HDLBP: variants seen among roughly 807,000 people sequenced by gnomAD.
HDLBP encodes the protein high density lipoprotein binding protein.
In HDLBP, 30 loss-of-function variants were observed where a neutral mutation model predicts 137.3. The ratio of observed to expected loss-of-function variants is 0.22; its 90% CI spans 0.16 to 0.30. The LOEUF is 0.30. Among genes scored for constraint, HDLBP ranks in the 10% least tolerant of loss-of-function variants. The pLI, the probability that HDLBP is intolerant of heterozygous loss-of-function variation, is 1.00. For synonymous variants in HDLBP, 606 were observed against 596.0 expected (o/e 1.02, Z -0.24); for missense variants, 1,119 against 1,667.3 (o/e 0.67, Z 5.73).
At chr2:241,250,722 A>G (rs2072069418) in intron 11 of HDLBP, 2 of 151,100 alleles carry the variant, frequency 1.3e-5, no homozygotes, top group South Asian at 4.3e-4. Context: ...GCACACGCAG[A>G]GGCAGCAACG....
At chr2:241,245,568 A>G (rs935194118) in intron 16 of HDLBP, among the ~76,000 whole-genome samples, 11 of 152,208 alleles carry the variant, frequency 7.2e-5, no homozygotes, top group African/African-American at 2.7e-4. Flanking sequence ...TGGAAGGCCA[A>G]GGCGAGAGGA....
intron 1 of HDLBP, among the ~76,000 whole-genome samples, chr2:241,274,798 A>G (rs2074330708): frequency 6.6e-6 from 1 of 152,238 alleles, no homozygotes. Context: ...AGCAAATTTT[A>G]GAAATTCCAT....
chr2:241,274,270 C>A (rs998502098), intron 1 of HDLBP, among the ~76,000 whole-genome samples: 1 of 152,050 alleles, frequency 6.6e-6, no homozygotes, highest in Admixed American at 6.6e-5. Flanking sequence ...GGGAGGGGAG[C>A]AGAATCACAG....
chr2:241,313,252 C>T (rs2075805789), intron 1 of HDLBP, among the ~76,000 whole-genome samples: 1 of 152,142 alleles, frequency 6.6e-6, no homozygotes, highest in Admixed American at 6.5e-5. Flanking sequence ...CCACAAGCTG[C>T]CTGAGGAAAA....
At chr2:241,312,278 G>C (rs2075777370) in intron 1 of HDLBP, among the ~76,000 whole-genome samples, 1 of 152,208 alleles carries the variant, frequency 6.6e-6, no homozygotes, top group Non-Finnish European at 1.5e-5. Context: ...ACACGTCTCA[G>C]AACAAATGTC....
Position 241,272,716 on chromosome 2 carries a change from TCCGC to T in HDLBP, c.-102-4179_-102-4176del, listed in dbSNP as rs1319983474. 16 of 438,452 alleles carry T rather than the reference TCCGC, an allele frequency of 3.6e-5. No individual in the cohort carries two copies. The South Asian group carries it at 1.2e-3, about 33-fold the overall frequency. 27.2% of individuals were successfully genotyped at this position (438,452 alleles called of 1,614,324 possible). A position where few individuals can be genotyped will look rare whatever the true frequency, so the allele number is the denominator to read the frequency against. The stretch of plus-strand genomic sequence containing the variant: ...CCCGCCCGGCAGCCCGCCCGCCCCG[TCCGC>T]CCGCCCGCCCAGGCCTCCCAGCCCC... On this transcript the variant is annotated intron_variant, in intron 1 of 27. Transcript: ENST00000310931. The surrounding 1 kb of genome is among the most constrained non-coding windows in gnomAD (Gnocchi z 5.6).
rs1159945052 is a variant in HDLBP, at chr2:241,272,205, CG to C, written c.-102-3665del. The C allele has an allele frequency of 1.0e-6, 1 of 983,926 alleles. No individual in the cohort carries two copies. Among genetic ancestry groups the C allele is most frequent in the East Asian group, 1.1e-4 (1 of 8,800 alleles). 60.9% of individuals were successfully genotyped at this position (983,926 alleles called of 1,614,324 possible). On this transcript the variant is annotated intron_variant, in intron 1 of 27. Transcript: ENST00000310931. The surrounding 1 kb of genome is among the most constrained non-coding windows in gnomAD (Gnocchi z 5.6). Reference sequence around the variant, plus strand: ...CCCCGCGCGGCAGGTGGAGGTGCTGCGGGGGCCCCGCCGCCCGGTCTGCGCC... The same window carrying C: ...CCCCGCGCGGCAGGTGGAGGTGCTGCGGGGCCCCGCCGCCCGGTCTGCGCC...
At chr2:241,251,515 G>A (rs1241351381) in intron 11 of HDLBP, among the ~76,000 whole-genome samples, 1 of 152,218 alleles carries the variant, frequency 6.6e-6, no homozygotes, top group Non-Finnish European at 1.5e-5. Flanking sequence ...GCAGGTCGGT[G>A]TCCCACTACC....
At chr2:241,293,027 A>T (rs2075057883) in intron 1 of HDLBP, among the ~76,000 whole-genome samples, 1 of 146,724 alleles carries the variant, frequency 6.8e-6, no homozygotes, top group Admixed American at 6.8e-5. Context: ...ACCCCGTCTC[A>T]GAAAAGAAGA....
At chr2:241,259,542 G>T (rs2072994249) in intron 5 of HDLBP, among the ~76,000 whole-genome samples, 1 of 151,578 alleles carries the variant, frequency 6.6e-6, no homozygotes, top group Admixed American at 6.6e-5. Context: ...AGGCTGGGCT[G>T]TGGTGGTGCA....
intron 21 of HDLBP, chr2:241,236,279 G>C: frequency 3.0e-6 from 1 of 329,280 alleles, no homozygotes; most frequent in Non-Finnish European, 5.7e-6. Context: ...CCACTCACGC[G>C]GGGGGAGACG....
chr2:241,272,892 C>A lies in HDLBP; in HGVS notation c.-102-4351G>T. 2.1e-6 allele frequency: 1 copy of A among 486,962 alleles called. No individual in the cohort carries two copies. The highest frequency in any genetic ancestry group is 2.7e-6 in the Non-Finnish European group (1 of 374,668). 30.2% of individuals were successfully genotyped at this position (486,962 alleles called of 1,614,324 possible). On this transcript the variant is annotated intron_variant, in intron 1 of 27. Transcript: ENST00000310931. The surrounding 1 kb of genome is among the most constrained non-coding windows in gnomAD (Gnocchi z 5.6). Reference sequence around the variant, plus strand: ...GCGGCGGCCCAATCCCGCCTGGACACGTCAGCGCCCGCCCGCCCCGCCGCT... The same window carrying A: ...GCGGCGGCCCAATCCCGCCTGGACAAGTCAGCGCCCGCCCGCCCCGCCGCT...
intron 1 of HDLBP, among the ~76,000 whole-genome samples, chr2:241,285,603 C>T (rs1347304079): frequency 6.6e-6 from 1 of 152,162 alleles, no homozygotes; most frequent in African/African-American, 2.4e-5. Flanking sequence ...TGCTCTCAAA[C>T]CTGTTTATGC....
At position 241,256,261 on chromosome 2, in the gene HDLBP, T is replaced by C. The variant is rs1264595005; in HGVS notation, c.796A>G (p.Thr266Ala). 3 of 1,614,150 alleles carry C rather than the reference T, an allele frequency of 1.9e-6. No individual in the cohort carries two copies. The highest frequency in any genetic ancestry group is 3.3e-5 in the Admixed American group (2 of 60,022). Residue 266 changes from threonine to alanine, a missense_variant, in exon 7 of 28, where the codon ACA (threonine) becomes GCA (alanine). Physicochemically the swap from Thr to Ala is moderately conservative, Grantham distance 58. This residue lies in a region of HDLBP where 425 missense variants were observed against 693.9 expected (regional missense o/e 0.61). Coordinates refer to ENST00000310931, the MANE Select transcript of HDLBP (RefSeq NM_005336.6). The stretch of plus-strand genomic sequence containing the variant: ...TTCTCTCCAGTGAAGACAATCTCTG[T>C]CCGGTTCACGCTGGGTGGGGGGATG... ...INIPPPSVNR[T>A]EIVFTGEKEQ...
At chr2:241,271,117 C>A (rs2074006140) in intron 1 of HDLBP, 3 of 985,424 alleles carry the variant, frequency 3.0e-6, no homozygotes, top group Non-Finnish European at 3.6e-6. Flanking sequence ...TCCTCCAAGG[C>A]TCCTTCTGGT....
At chr2:241,293,678 G>C (rs1030156364) in intron 1 of HDLBP, among the ~76,000 whole-genome samples, 1 of 152,002 alleles carries the variant, frequency 6.6e-6, no homozygotes, top group South Asian at 2.1e-4. Flanking sequence ...CCAGCACTTT[G>C]AGAGGCTGAG....
At chr2:241,297,057 T>C (rs2075205263) in intron 1 of HDLBP, among the ~76,000 whole-genome samples, 2 of 152,272 alleles carry the variant, frequency 1.3e-5, no homozygotes, top group African/African-American at 2.4e-5. Flanking sequence ...CACAGACTAC[T>C]GTACATTAAA....
intron 1 of HDLBP, among the ~76,000 whole-genome samples, chr2:241,304,714 C>T (rs1437576303): frequency 6.6e-6 from 1 of 152,236 alleles, no homozygotes. Flanking sequence ...TATCTTGCTG[C>T]AAAGGCCTGG....
intron 1 of HDLBP, among the ~76,000 whole-genome samples, chr2:241,292,114 G>A (rs755001209): frequency 7.9e-5 from 12 of 152,234 alleles, no homozygotes; most frequent in South Asian, 2.1e-4. Flanking sequence ...CACCGCACCC[G>A]ACATCATGTA....
Sources: gnomAD v4.1 joint callset for allele counts (sites outside exome capture counted in the v4.1 genomes callset) on GRCh38, gnomAD v4.1.1 for gene constraint, gnomAD v4.1.1 regional missense constraint, Gnocchi (gnomAD v3.1) non-coding constraint, MANE v1.5 for transcripts, NCBI Gene and HGNC (gene_info 2026-07-23, HGNC 2026-07-21) for gene names.